The following TMEM132C variants were observed in gnomAD, a reference collection of about 807,000 sequenced individuals.
TMEM132C encodes the protein transmembrane protein 132C.
TMEM132C carries 29 observed loss-of-function variants against 61.4 expected under a neutral mutation model. The observed-to-expected ratio is 0.47, with a 90% CI of 0.35 to 0.64. The LOEUF (loss-of-function observed/expected upper bound fraction) is 0.64. Among genes scored for constraint, TMEM132C ranks in the 30% least tolerant of loss-of-function variants. The pLI, the probability that TMEM132C is intolerant of heterozygous loss-of-function variation, is 0.00. For synonymous variants in TMEM132C, 656 were observed against 633.1 expected, an observed-to-expected ratio of 1.04 and a Z score of -0.54; for missense variants, 1,408 against 1,476.9, an observed-to-expected ratio of 0.95 and a Z score of 0.76.
intron 2 of TMEM132C, among the ~76,000 whole-genome samples, chr12:128,483,178 C>T (rs1871367962): frequency 6.7e-6 from 1 of 148,580 alleles, no homozygotes; most frequent in South Asian, 2.2e-4. Context: ...TGAGGTGGGG[C>T]GATTGCTTGA....
chr12:128,398,055 A>C (rs1875023872), intron 1 of TMEM132C, among the ~76,000 whole-genome samples: 1 of 152,176 alleles, frequency 6.6e-6, no homozygotes, highest in African/African-American at 2.4e-5. Context: ...TTGCTGGTGC[A>C]ATATTAAATA....
rs1181174783 is a variant in TMEM132C, at chr12:128,707,038, G to A, written c.*743G>A. The A allele has an allele frequency of 3.9e-5, 6 of 152,188 alleles. No individual in the cohort carries two copies. Among genetic ancestry groups the A allele is most frequent in the Non-Finnish European group, 7.4e-5 (5 of 68,024 alleles). The allele number at this position is 152,188 out of a possible 1,614,324, so 9.4% of individuals were successfully genotyped here. A position where few individuals can be genotyped will look rare whatever the true frequency, so the allele number is the denominator to read the frequency against. ...TGCCAATTAATCCATTGTTTAAGTAGTAACTTGAATGTTTTTCTATATCCC... is the reference window on the plus strand; with the variant it reads ...TGCCAATTAATCCATTGTTTAAGTAATAACTTGAATGTTTTTCTATATCCC... On this transcript the variant is annotated 3_prime_UTR_variant, in exon 9 of 9. Transcript: ENST00000435159.
Position 128,696,060 on chromosome 12 carries a change from G to A in TMEM132C, c.1886G>A (p.Ser629Asn). ...EEPHVATLQD[S>N]RVLVGREVGM... ...CCTCACGTGGCCACCCTCCAGGACA[G>A]CCGGGTCCTGGTTGGGCGAGAGGTT... Residue 629 changes from serine to asparagine, a missense_variant, in exon 7 of 9, where the codon AGC (serine) becomes AAC (asparagine). Physicochemically the swap from Ser to Asn is conservative, Grantham distance 46 (BLOSUM62 1). Transcript: ENST00000435159. 6.4e-7 allele frequency: 1 copy of A among 1,551,732 alleles called. No individual in the cohort carries two copies. Among genetic ancestry groups the A allele is most frequent in the South Asian group, 1.2e-5 (1 of 84,058 alleles).
At chr12:128,267,519 C>T in intron 1 of TMEM132C, 32 bp downstream of exon 1, 1 of 1,230,336 alleles carries the variant, frequency 8.1e-7, no homozygotes, top group Non-Finnish European at 1.0e-6. Flanking sequence ...GGCGCGCCGA[C>T]GCATGCGAAC....
intron 3 of TMEM132C, among the ~76,000 whole-genome samples, chr12:128,569,013 TC>T (rs754810876): frequency 2.6e-5 from 4 of 152,160 alleles, no homozygotes; most frequent in Non-Finnish European, 4.4e-5. Context: ...TGGCTTTTAA[TC>T]TAGAGAGGAG....
At chr12:128,413,460 C>G (rs908224290) in intron 1 of TMEM132C, among the ~76,000 whole-genome samples, 7 of 151,762 alleles carry the variant, frequency 4.6e-5, no homozygotes, top group African/African-American at 1.7e-4. Flanking sequence ...CCAGAAAGGT[C>G]GTACCGCTTT....
intron 1 of TMEM132C, among the ~76,000 whole-genome samples, chr12:128,350,259 C>T (rs549168987): frequency 2.6e-4 from 40 of 152,086 alleles, no homozygotes; most frequent in Non-Finnish European, 5.7e-4. Context: ...CCAGAAATCC[C>T]TGCTGCTTTT....
At chr12:128,499,362 A>C (rs1233080903) in intron 2 of TMEM132C, among the ~76,000 whole-genome samples, 1 of 152,154 alleles carries the variant, frequency 6.6e-6, no homozygotes, top group African/African-American at 2.4e-5. Context: ...AATTAGGGTA[A>C]TTGGGGTATC....
intron 6 of TMEM132C, 70 bp from the exon 7 acceptor site, chr12:128,695,760 G>A (rs948977133): frequency 7.6e-6 from 11 of 1,453,472 alleles, no homozygotes; most frequent in South Asian, 4.2e-5. Context: ...TGAGGTGAGC[G>A]CCTGCCTGTC....
Position 128,644,604 on chromosome 12 carries a change from C to T in TMEM132C, c.1306-24813C>T, listed in dbSNP as rs191698002. Among the ~76,000 whole-genome samples, 34 of 152,266 alleles carry T rather than the reference C, an allele frequency of 2.2e-4. No homozygotes were observed. The East Asian group carries it at 5.6e-3, about 25-fold the overall frequency. On this transcript the variant is annotated intron_variant, in intron 4 of 8. Transcript: ENST00000435159. ...GATCGCTGGGGGCTGGATTTTGAAGCACATATTAATTGCAAATAGCACAAG... is the reference window on the plus strand; with the variant it reads ...GATCGCTGGGGGCTGGATTTTGAAGTACATATTAATTGCAAATAGCACAAG...
At chr12:128,425,609 T>A (rs534897926) in intron 2 of TMEM132C, among the ~76,000 whole-genome samples, 1 of 152,296 alleles carries the variant, frequency 6.6e-6, no homozygotes, top group South Asian at 2.1e-4. Flanking sequence ...AACTTTGTTC[T>A]CTCACGTTTC....
intron 4 of TMEM132C, among the ~76,000 whole-genome samples, chr12:128,639,254 ATGG>A (rs1954134618): frequency 2.1e-5 from 3 of 146,264 alleles, no homozygotes; most frequent in East Asian, 2.1e-4. Flanking sequence ...GATAATGATG[ATGG>A]TGATGATGAT....
At chr12:128,372,108 C>T (rs1874044078) in intron 1 of TMEM132C, among the ~76,000 whole-genome samples, 1 of 152,170 alleles carries the variant, frequency 6.6e-6, no homozygotes, top group African/African-American at 2.4e-5. Context: ...TTGCTTCTCT[C>T]AATTGCTGGC....
At chr12:128,547,239 C>A (rs1245833732) in intron 3 of TMEM132C, among the ~76,000 whole-genome samples, 1 of 152,112 alleles carries the variant, frequency 6.6e-6, no homozygotes, top group Non-Finnish European at 1.5e-5. Context: ...TGGCACTGAG[C>A]CCCACCAAGG....
At chr12:128,280,404 A>C (rs563710737) in intron 1 of TMEM132C, among the ~76,000 whole-genome samples, 1 of 152,204 alleles carries the variant, frequency 6.6e-6, no homozygotes, top group East Asian at 1.9e-4. Flanking sequence ...CCTTCCTTGT[A>C]GACAAGAGAT....
chr12:128,614,158 T>TAAAA (rs1253445091), intron 3 of TMEM132C, among the ~76,000 whole-genome samples: 2 of 152,232 alleles, frequency 1.3e-5, no homozygotes, highest in African/African-American at 4.8e-5. Flanking sequence ...ATAGCGGTTC[T>TAAAA]ATTGATCAAC....
intron 1 of TMEM132C, among the ~76,000 whole-genome samples, chr12:128,317,706 A>C (rs1203583541): frequency 1.3e-5 from 2 of 152,146 alleles, no homozygotes; most frequent in Non-Finnish European, 2.9e-5. Flanking sequence ...CCAACATGGC[A>C]AAACCTCGTC....
chr12:128,387,635 C>A (rs1874629325), intron 1 of TMEM132C, among the ~76,000 whole-genome samples: 1 of 152,054 alleles, frequency 6.6e-6, no homozygotes, highest in Non-Finnish European at 1.5e-5. Flanking sequence ...CACGATGAAA[C>A]CCCGTCTCTG....
chr12:128,669,512 C>T lies in TMEM132C; in HGVS notation c.1401C>T (p.Asp467=). 1.3e-6 allele frequency: 2 copies of T among 1,551,664 alleles called. No individual in the cohort carries two copies. The highest frequency in any genetic ancestry group is 1.7e-6 in the Non-Finnish European group (2 of 1,146,976). Residue 467 remains aspartate (D), a synonymous_variant, in exon 5 of 9, where the codon GAC becomes GAT. Coordinates refer to ENST00000435159, the MANE Select transcript of TMEM132C (RefSeq NM_001136103.3). ...TGGAGGAGAACAGTGCCGTGATGGA[C>T]ATCTCAGAGTCGGTGGAGTGCAAGT... is the stretch of plus-strand genomic sequence containing the variant. ...VSVEENSAVM[D]ISESVECKST...
Sources: gnomAD v4.1 joint callset for allele counts (sites outside exome capture counted in the v4.1 genomes callset) on GRCh38, gnomAD v4.1.1 for gene constraint, MANE v1.5 for transcripts, NCBI Gene and HGNC (gene_info 2026-07-23, HGNC 2026-07-21) for gene names.